The following TRMO variants were observed in gnomAD, a reference collection of about 807,000 sequenced individuals.
TRMO encodes the protein tRNA methyltransferase O.
In TRMO, 30 loss-of-function variants were observed where a neutral mutation model predicts 37.2. The ratio of observed to expected loss-of-function variants is 0.81; its 90% CI spans 0.60 to 1.09. The LOEUF (loss-of-function observed/expected upper bound fraction) is 1.09, where lower values mean the gene tolerates loss of function less well. Ranked by LOEUF, TRMO falls within the 50% of genes least tolerant of loss-of-function variation. The pLI, the probability that TRMO is intolerant of heterozygous loss-of-function variation, is 0.00. For missense variants in TRMO, 552 were observed against 549.5 expected (o/e 1.00, Z -0.05); for synonymous variants, 239 against 199.4 (o/e 1.20, Z -1.67).
chr9:97,898,215 A>G, the TRMO span, among the ~76,000 whole-genome samples: 3 of 152,202 alleles, frequency 2.0e-5, no homozygotes, highest in Admixed American at 2.0e-4. Context: ...ACTGGCCTAA[A>G]CCTTGAACCT....
intron 1 of TRMO, among the ~76,000 whole-genome samples, chr9:97,918,070 T>C (rs1826454671): frequency 6.6e-6 from 1 of 151,762 alleles, no homozygotes; most frequent in Non-Finnish European, 1.5e-5. Context: ...TTCTATAATA[T>C]TTGAAGTTTT....
chr9:97,899,965 G>A (rs1409570611), downstream of TRMO, among the ~76,000 whole-genome samples: 3 of 152,166 alleles, frequency 2.0e-5, no homozygotes, highest in Non-Finnish European at 2.9e-5. Context: ...GCTGAGGCAG[G>A]AGGATCACTT....
rs1000806888 is a variant in TRMO, at chr9:97,918,798, C to T, written c.77-2460G>A. 7.2e-5 allele frequency among the ~76,000 whole-genome samples: 11 copies of T among 152,272 alleles called. No homozygotes were observed. In the East Asian group the frequency reaches 7.7e-4, roughly 11 times the overall value. On this transcript the variant is annotated intron_variant, in intron 1 of 4. Coordinates refer to ENST00000375119, the MANE Select transcript of TRMO (RefSeq NM_016481.5). ...ATCCCAAAAACTAGAGCGTTACTAA[C>T]GACTTGTTCTTTTTAGGTTGTTTTT... is the stretch of plus-strand genomic sequence containing the variant.
the TRMO span, among the ~76,000 whole-genome samples, chr9:97,899,283 C>A: frequency 3.3e-5 from 5 of 151,966 alleles, no homozygotes; most frequent in African/African-American, 1.2e-4. Flanking sequence ...CGGTACTGCA[C>A]GTGTAACCCC....
rs186165837 is a variant in TRMO, at chr9:97,921,089, T to A, written c.76+1329A>T. Among the ~76,000 whole-genome samples, 1,125 of 152,358 alleles carry A rather than the reference T, an allele frequency of 7.4e-3. 7 individuals carry two copies. Among genetic ancestry groups the A allele is most frequent in the South Asian group, 0.026 (124 of 4,830 alleles). On this transcript the variant is annotated intron_variant, in intron 1 of 4. Coordinates refer to ENST00000375119, the MANE Select transcript of TRMO (RefSeq NM_016481.5). ...ATCGGCAGTGTGCAACAATTTTTTT[T>A]AAATAAGCACATTTGGCCAGGTAAT...
At chr9:97,905,105 G>T in intron 4 of TRMO, 113 bp from the exon 5 acceptor site, 1 of 1,151,986 alleles carries the variant, frequency 8.7e-7, no homozygotes, top group Non-Finnish European at 1.2e-6. Flanking sequence ...GACATGGACA[G>T]GGTTTGGAAA....
chr9:97,910,414 TG>T lies in TRMO; in HGVS notation c.611del (p.Ser204Ter). ...KTDSCDQRQLSGCDEPQPHHS... is the reference protein window; with the variant it reads ...KTDSCDQRQLXGCDEPQPHHS... ...GGTGGGGTTGTGGCTCATCACACCC[TG>T]AGAGCTGTCGCTGGTCACAGCTGTC... On this transcript the variant is annotated frameshift_variant, in exon 4 of 5. Coordinates refer to ENST00000375119, the MANE Select transcript of TRMO (RefSeq NM_016481.5). LOFTEE classifies it high-confidence loss of function. The T allele has an allele frequency of 6.2e-7, 1 of 1,614,224 alleles. No homozygotes were observed. The highest frequency in any genetic ancestry group is 8.5e-7 in the Non-Finnish European group (1 of 1,180,030).
chr9:97,912,720 T>C (rs143115765), intron 3 of TRMO: 310 of 345,652 alleles, frequency 9.0e-4, no homozygotes, highest in African/African-American at 6.3e-3. Flanking sequence ...GGCTGAAGCC[T>C]GGAATGGTCT....
intron 2 of TRMO, among the ~76,000 whole-genome samples, chr9:97,915,513 T>C (rs772398439): frequency 1.5e-4 from 23 of 152,190 alleles, no homozygotes; most frequent in Non-Finnish European, 2.4e-4. Context: ...GGTAGAATAA[T>C]GACCCAGGGG....
Position 97,910,235 on chromosome 9 carries a change from G to C in TRMO, c.791C>G (p.Ser264Cys). 1 of 1,614,180 alleles carries C rather than the reference G, an allele frequency of 6.2e-7. No homozygotes were observed. The part of the protein sequence containing the change: ...FGLESRRDQS[S>C]SVAEEQIGPY... The stretch of plus-strand genomic sequence containing the variant: ...GCCAATTTGTTCTTCTGCCACGCTG[G>C]AACTCTGATCACGTCTTGATTCCAA... Residue 264 changes from serine to cysteine, a missense_variant, in exon 4 of 5, where the codon TCC (serine) becomes TGC (cysteine). Transcript: ENST00000375119.
chr9:97,915,027 C>T (rs548691177), intron 2 of TRMO, among the ~76,000 whole-genome samples: 6 of 152,282 alleles, frequency 3.9e-5, no homozygotes, highest in African/African-American at 1.2e-4. Context: ...TCAGAACATA[C>T]ATTTTCTTTC....
chr9:97,911,809 T>G (rs777475869), intron 3 of TRMO: 16 of 152,160 alleles, frequency 1.1e-4, no homozygotes, highest in Non-Finnish European at 2.2e-4. Context: ...ACCTTACTCT[T>G]GGAAAATAGG....
At chr9:97,918,179 G>A (rs566588963) in intron 1 of TRMO, among the ~76,000 whole-genome samples, 68 of 149,898 alleles carry the variant, frequency 4.5e-4, no homozygotes, top group South Asian at 2.4e-3. Context: ...TCAGGAGTTC[G>A]AGACCAGCCT....
In TRMO at chr9:97,910,465, A is replaced by C; in HGVS notation, c.561T>G (p.Thr187=). The change falls in exon 4 of 5, where the codon ACT becomes ACG. Residue 187 remains threonine, a synonymous_variant. Transcript: ENST00000375119. ...CAGTCTTGCTGTCAGACTGGGACACAGTGTTTGGTGTATGTTGGTTATTCT... is the reference window on the plus strand; with the variant it reads ...CAGTCTTGCTGTCAGACTGGGACACCGTGTTTGGTGTATGTTGGTTATTCT... ...NLQNNQHTPN[T]VSQSDSKTDS... 1 of 1,614,166 alleles carries C rather than the reference A, an allele frequency of 6.2e-7. No individual in the cohort carries two copies. Among genetic ancestry groups the C allele is most frequent in the African/African-American group, 1.3e-5 (1 of 75,038 alleles).
the TRMO span, among the ~76,000 whole-genome samples, chr9:97,898,554 C>T: frequency 6.6e-6 from 1 of 151,604 alleles, no homozygotes; most frequent in Non-Finnish European, 1.5e-5. Flanking sequence ...TACTTGTATA[C>T]CAAAAAAAAT....
intron 1 of TRMO, among the ~76,000 whole-genome samples, chr9:97,919,567 G>C (rs1826531122): frequency 1.3e-5 from 2 of 152,202 alleles, no homozygotes; most frequent in Non-Finnish European, 2.9e-5. Context: ...GAATTTAATA[G>C]TTGAGGAGAC....
chr9:97,914,469 A>C (rs1369624175), intron 2 of TRMO, among the ~76,000 whole-genome samples: 1 of 152,178 alleles, frequency 6.6e-6, no homozygotes, highest in Non-Finnish European at 1.5e-5. Context: ...TTTAGAGGAT[A>C]ATTTGGAAGT....
downstream of TRMO, chr9:97,900,712 T>C: frequency 6.4e-6 from 6 of 934,942 alleles, no homozygotes; most frequent in Non-Finnish European, 7.7e-6. Flanking sequence ...TCCAAGGACA[T>C]GATAAAAGTT....
At chr9:97,906,007 CA>C (rs200024172) in intron 4 of TRMO, among the ~76,000 whole-genome samples, 2 of 151,796 alleles carry the variant, frequency 1.3e-5, no homozygotes, top group African/African-American at 4.8e-5. Context: ...TACACACACA[CA>C]AAAAAATTAG....
Sources: gnomAD v4.1 joint callset for allele counts (sites outside exome capture counted in the v4.1 genomes callset) on GRCh38, gnomAD v4.1.1 for gene constraint, MANE v1.5 for transcripts, NCBI Gene and HGNC (gene_info 2026-07-23, HGNC 2026-07-21) for gene names.